Variants in ZNF521 observed in about 807,000 individuals in gnomAD.
ZNF521 encodes the protein zinc finger protein 521, also known as LYST-interacting protein 3.
ZNF521 carries 14 observed loss-of-function variants against 105.5 expected under a neutral mutation model. The observed-to-expected ratio is 0.13, with a 90% CI of 0.09 to 0.21. The LOEUF (loss-of-function observed/expected upper bound fraction) is 0.21, where lower values mean the gene tolerates loss of function less well. Among genes scored for constraint, ZNF521 ranks in the 10% least tolerant of loss-of-function variants. The pLI is 1.00. For synonymous variants in ZNF521, 635 were observed against 606.0 expected (o/e 1.05, Z -0.70); for missense variants, 1,233 against 1,629.7 (o/e 0.76, Z 4.19).
intron 2 of ZNF521, among the ~76,000 whole-genome samples, chr18:25,350,405 C>A (rs1168939033): frequency 6.6e-6 from 1 of 152,092 alleles, no homozygotes; most frequent in Non-Finnish European, 1.5e-5. Flanking sequence ...CGGGAGGCGG[C>A]GGCCGGGACC....
chr18:25,209,785 T>A (rs904495632), intron 4 of ZNF521, among the ~76,000 whole-genome samples: 1 of 152,356 alleles, frequency 6.6e-6, no homozygotes, highest in Non-Finnish European at 1.5e-5. Flanking sequence ...TATATGCTCA[T>A]TTATTTATAT....
At position 25,107,455 on chromosome 18, in the gene ZNF521, C is replaced by T. The variant is rs2034096432; in HGVS notation, c.3659-15374G>A. The stretch of plus-strand genomic sequence containing the variant: ...TTGATGCATAATTTTTAGATCTATA[C>T]TGGAAGACTTTCTCTGAATATCTAG... On this transcript the variant is annotated intron_variant, in intron 5 of 7. Transcript: ENST00000361524. 1.3e-5 allele frequency among the ~76,000 whole-genome samples: 2 copies of T among 152,114 alleles called. 1 individual carries two copies. Among genetic ancestry groups the T allele is most frequent in the South Asian group, 4.1e-4 (2 of 4,822 alleles).
intron 5 of ZNF521, among the ~76,000 whole-genome samples, chr18:25,109,123 C>T (rs145107278): frequency 0.011 from 1,622 of 152,096 alleles, 10 homozygotes; most frequent in South Asian, 0.022. Flanking sequence ...CCCTCCCCCA[C>T]TTTGGAGTTC....
intron 4 of ZNF521, among the ~76,000 whole-genome samples, chr18:25,199,785 T>C (rs1214494112): frequency 1.3e-5 from 2 of 152,212 alleles, no homozygotes; most frequent in East Asian, 3.9e-4. Flanking sequence ...CTTCACTTGA[T>C]ATGCACCAAA....
intron 3 of ZNF521, among the ~76,000 whole-genome samples, chr18:25,271,731 C>T (rs1600239363): frequency 6.6e-6 from 1 of 152,168 alleles, no homozygotes; most frequent in South Asian, 2.1e-4. Flanking sequence ...AAAACTGAAA[C>T]TGGATCCCTG....
At chr18:25,283,827 TCAC>T (rs775312784) in intron 3 of ZNF521, among the ~76,000 whole-genome samples, 7 of 151,928 alleles carry the variant, frequency 4.6e-5, no homozygotes, top group Non-Finnish European at 8.8e-5. Context: ...TTTTAATCCC[TCAC>T]CACTTTTAAA....
intron 3 of ZNF521, among the ~76,000 whole-genome samples, chr18:25,230,435 T>C (rs1207878602): frequency 1.3e-5 from 2 of 152,166 alleles, no homozygotes; most frequent in African/African-American, 4.8e-5. Context: ...TCCAAGACTT[T>C]TGTGGTGATG....
chr18:25,188,498 T>C (rs1373370332), intron 5 of ZNF521, among the ~76,000 whole-genome samples: 1 of 152,204 alleles, frequency 6.6e-6, no homozygotes, highest in Non-Finnish European at 1.5e-5. Flanking sequence ...AGCATGACTG[T>C]GCAGGGATCT....
At chr18:25,199,279 G>A (rs1435377410) in intron 4 of ZNF521, among the ~76,000 whole-genome samples, 2 of 151,730 alleles carry the variant, frequency 1.3e-5, no homozygotes, top group Admixed American at 6.6e-5. Context: ...CAAAAGAAAT[G>A]GCCTATTGTC....
At chr18:25,184,446 G>A (rs969928184) in intron 5 of ZNF521, among the ~76,000 whole-genome samples, 9 of 152,106 alleles carry the variant, frequency 5.9e-5, no homozygotes, top group Non-Finnish European at 1.3e-4. Flanking sequence ...GTTCTCAGTG[G>A]AGACTCTTGC....
chr18:25,139,919 G>C (rs1332968335), intron 5 of ZNF521, among the ~76,000 whole-genome samples: 1 of 152,068 alleles, frequency 6.6e-6, no homozygotes, highest in Non-Finnish European at 1.5e-5. Context: ...TAACTTCCTT[G>C]CCCCTTCACC....
intron 3 of ZNF521, among the ~76,000 whole-genome samples, chr18:25,293,329 T>G (rs2145039010): frequency 6.7e-6 from 1 of 149,394 alleles, no homozygotes; most frequent in South Asian, 2.2e-4. Context: ...TTAACAGATT[T>G]TCTTGCTTGC....
rs1906089614 is a variant in ZNF521 at position 25,225,875 on chromosome 18, C to T, written c.2043G>A (p.Lys681=). The T allele has an allele frequency of 1.2e-6, 2 of 1,614,170 alleles. No homozygotes were observed. Among genetic ancestry groups the T allele is most frequent in the Admixed American group, 3.3e-5 (2 of 60,030 alleles). Residue 681 remains lysine, a synonymous_variant, in exon 4 of 8, where the codon AAG becomes AAA. Transcript: ENST00000361524. The surrounding 1 kb of genome is among the most constrained non-coding windows in gnomAD (Gnocchi z 5.6). The part of the protein sequence containing the change: ...KEFPNQESLL[K]HVTIHFMITS... ...TGATCATAAAGTGAATGGTAACATG[C>T]TTCAGCAAGGATTCTTGGTTGGGGA...
At chr18:25,233,341 A>T (rs9965956) in intron 3 of ZNF521, among the ~76,000 whole-genome samples, 6,616 of 146,630 alleles carry the variant, frequency 0.045, 336 homozygotes, top group African/African-American at 0.12. Context: ...GCTTCTTTTT[A>T]AAAAAAAAAA....
intron 2 of ZNF521, among the ~76,000 whole-genome samples, chr18:25,336,586 T>C (rs2145193103): frequency 6.6e-6 from 1 of 152,356 alleles, no homozygotes; most frequent in South Asian, 2.1e-4. Context: ...TTTTTCTTTC[T>C]TAATTCTATC....
chr18:25,249,790 G>A (rs1748428390), intron 3 of ZNF521, among the ~76,000 whole-genome samples: 1 of 152,066 alleles, frequency 6.6e-6, no homozygotes, highest in African/African-American at 2.4e-5. Flanking sequence ...TGTTGTCTTT[G>A]CTAAAATAAA....
At chr18:25,164,382 A>G (rs927400495) in intron 5 of ZNF521, among the ~76,000 whole-genome samples, 1 of 152,198 alleles carries the variant, frequency 6.6e-6, no homozygotes, top group African/African-American at 2.4e-5. Flanking sequence ...TTTTGCAAGA[A>G]GAAAGCCTGT....
intron 2 of ZNF521, among the ~76,000 whole-genome samples, chr18:25,348,909 G>T (rs6508365): frequency 0.22 from 32,956 of 152,010 alleles, 3,838 homozygotes; most frequent in African/African-American, 0.27. Flanking sequence ...CTACGTGCAT[G>T]AGAAGAAATC....
chr18:25,085,227 GTATATA>G (rs201952893), intron 7 of ZNF521, among the ~76,000 whole-genome samples: 1 of 148,406 alleles, frequency 6.7e-6, no homozygotes, highest in Non-Finnish European at 1.5e-5. Flanking sequence ...ATTTTTATGT[GTATATA>G]TATATATAAG....
Sources: gnomAD v4.1 joint callset for allele counts (sites outside exome capture counted in the v4.1 genomes callset) on GRCh38, gnomAD v4.1.1 for gene constraint, Gnocchi (gnomAD v3.1) non-coding constraint, MANE v1.5 for transcripts, NCBI Gene and HGNC (gene_info 2026-07-23, HGNC 2026-07-21) for gene names.